The following KSR2 variants were observed in gnomAD, a reference collection of about 807,000 sequenced individuals.
KSR2 encodes kinase suppressor of ras 2.
A neutral mutation model predicts 107.8 loss-of-function variants in KSR2; 25 were observed. That is an observed-to-expected ratio of 0.23 (90% CI 0.17 to 0.32). The LOEUF (loss-of-function observed/expected upper bound fraction) is 0.32, where lower values mean the gene tolerates loss of function less well. Ranked by LOEUF, KSR2 falls within the 10% of genes least tolerant of loss-of-function variation. The probability of loss-of-function intolerance (pLI) is 1.00; values close to 1 mark genes in which losing one functional copy is unlikely to be tolerated. For missense variants in KSR2, 887 were observed against 1,268.9 expected, an observed-to-expected ratio of 0.70 and a Z score of 4.57; for synonymous variants, 480 against 507.0, an observed-to-expected ratio of 0.95 and a Z score of 0.71.
intron 5 of KSR2, among the ~76,000 whole-genome samples, chr12:117,645,897 G>A (rs189391872): frequency 0.01 from 1,537 of 151,240 alleles, 16 homozygotes; most frequent in Admixed American, 0.016. Flanking sequence ...GTGTGTGTGT[G>A]TGTGTGTGTG....
chr12:117,467,474 C>G (rs1871207257), intron 19 of KSR2, among the ~76,000 whole-genome samples: 1 of 152,258 alleles, frequency 6.6e-6, no homozygotes, highest in African/African-American at 2.4e-5. Flanking sequence ...AGACGAACTT[C>G]TACGACAGAA....
At chr12:117,646,711 T>C (rs1236930258) in intron 5 of KSR2, among the ~76,000 whole-genome samples, 1 of 152,078 alleles carries the variant, frequency 6.6e-6, no homozygotes, top group Non-Finnish European at 1.5e-5. Flanking sequence ...ACAGAGCTCC[T>C]CCTCTGCCAT....
intron 18 of KSR2, among the ~76,000 whole-genome samples, chr12:117,470,948 C>G (rs1223441340): frequency 6.6e-6 from 1 of 152,312 alleles, no homozygotes; most frequent in South Asian, 2.1e-4. Context: ...CAGCAACCCA[C>G]AGTTAGGAAA....
intron 16 of KSR2, among the ~76,000 whole-genome samples, chr12:117,479,708 T>C (rs1459585376): frequency 6.6e-6 from 1 of 152,240 alleles, no homozygotes; most frequent in Non-Finnish European, 1.5e-5. Flanking sequence ...GACTTGCTCC[T>C]GCATTCTACA....
At chr12:117,865,592 A>T (rs990749033) in intron 1 of KSR2, among the ~76,000 whole-genome samples, 2 of 152,194 alleles carry the variant, frequency 1.3e-5, no homozygotes, top group African/African-American at 4.8e-5. Context: ...CCTGGGCTCA[A>T]CTAATCCATT....
At chr12:117,962,060 G>A (rs1311962686) in intron 1 of KSR2, among the ~76,000 whole-genome samples, 3 of 150,462 alleles carry the variant, frequency 2.0e-5, no homozygotes, top group South Asian at 2.1e-4. Context: ...CAGGAGGATC[G>A]CTTGAGCCCA....
At chr12:117,770,116 G>A (rs559215574) in intron 3 of KSR2, among the ~76,000 whole-genome samples, 1 of 151,978 alleles carries the variant, frequency 6.6e-6, no homozygotes, top group East Asian at 1.9e-4. Context: ...AACTCTGACA[G>A]AAAGAAAGCT....
At chr12:117,767,562 G>A (rs1889284422) in intron 3 of KSR2, among the ~76,000 whole-genome samples, 1 of 152,008 alleles carries the variant, frequency 6.6e-6, no homozygotes, top group African/African-American at 2.4e-5. Flanking sequence ...CACTTCGGAA[G>A]GCCAAGGTGG....
chr12:117,623,230 G>A (rs529157303), intron 5 of KSR2, among the ~76,000 whole-genome samples: 1 of 152,114 alleles, frequency 6.6e-6, no homozygotes, highest in Non-Finnish European at 1.5e-5. Flanking sequence ...TTATGCCTTT[G>A]GGTTTTTTTT....
At chr12:117,799,853 A>C (rs1475205986) in intron 3 of KSR2, among the ~76,000 whole-genome samples, 1 of 152,218 alleles carries the variant, frequency 6.6e-6, no homozygotes, top group Non-Finnish European at 1.5e-5. Context: ...GGCACCTAAA[A>C]GGCACCAAAA....
intron 5 of KSR2, among the ~76,000 whole-genome samples, chr12:117,667,125 G>A (rs946346000): frequency 9.2e-5 from 14 of 152,164 alleles, no homozygotes; most frequent in African/African-American, 3.4e-4. Flanking sequence ...AGAGACAGCC[G>A]GGAAGAGGGA....
At chr12:117,939,827 G>A (rs1895954095) in intron 1 of KSR2, among the ~76,000 whole-genome samples, 1 of 147,842 alleles carries the variant, frequency 6.8e-6, no homozygotes, top group African/African-American at 2.5e-5. Flanking sequence ...TATAACCCAA[G>A]CTACTCAGGA....
Position 117,667,614 on chromosome 12 carries a change from C to T in KSR2, c.1031G>A (p.Ser344Asn). 6.2e-7 allele frequency: 1 copy of T among 1,611,204 alleles called. No individual in the cohort carries two copies. Among genetic ancestry groups the T allele is most frequent in the Non-Finnish European group, 8.5e-7 (1 of 1,178,722 alleles). Residue 344 changes from serine to asparagine, a missense_variant, in exon 5 of 20, where the codon AGC (serine) becomes AAC (asparagine). Ser to Asn is a conservative substitution (Grantham distance 46). Around this residue, in one of 8 missense-constraint regions of KSR2, gnomAD observed 399 missense variants for 479.5 expected, o/e 0.83. Transcript: ENST00000339824. Reference protein sequence around the residue: ...SKPLNLKIHSSVGSCENIPSQ... With the variant: ...SKPLNLKIHSNVGSCENIPSQ... ...GGGGATGTTCTCGCAGCTGCCTACG[C>T]TGCTGTGGATCTTGAGGTTCAAGGG...
intron 3 of KSR2, among the ~76,000 whole-genome samples, chr12:117,831,103 A>AT (rs1179906858): frequency 2.0e-5 from 3 of 152,154 alleles, no homozygotes; most frequent in African/African-American, 7.2e-5. Context: ...CGCTGATATT[A>AT]TTATCAATAT....
At chr12:117,803,122 C>T (rs192569296) in intron 3 of KSR2, among the ~76,000 whole-genome samples, 5 of 152,124 alleles carry the variant, frequency 3.3e-5, no homozygotes, top group Admixed American at 6.5e-5. Context: ...CAGGGATTGC[C>T]GAAACAATGT....
intron 14 of KSR2, among the ~76,000 whole-genome samples, chr12:117,494,963 C>A (rs1471268992): frequency 1.3e-5 from 2 of 152,228 alleles, no homozygotes; most frequent in African/African-American, 4.8e-5. Context: ...CGGCAAAGGC[C>A]ATCTGGCTGG....
intron 16 of KSR2, among the ~76,000 whole-genome samples, chr12:117,476,831 C>A (rs1871814271): frequency 6.6e-6 from 1 of 152,194 alleles, no homozygotes; most frequent in African/African-American, 2.4e-5. Context: ...GAGGCACCCA[C>A]CTTCTTGCCC....
At chr12:117,554,256 A>G (rs1216052449) in intron 9 of KSR2, among the ~76,000 whole-genome samples, 3 of 152,162 alleles carry the variant, frequency 2.0e-5, no homozygotes, top group East Asian at 1.9e-4. Context: ...CTAGGCCACA[A>G]TTGAAAGAAA....
intron 9 of KSR2, among the ~76,000 whole-genome samples, chr12:117,550,674 A>G (rs1877234044): frequency 6.6e-6 from 1 of 152,240 alleles, no homozygotes; most frequent in Non-Finnish European, 1.5e-5. Flanking sequence ...AAGAAGCCAA[A>G]GGTCATAAGG....
Sources: allele counts gnomAD v4.1 joint callset (sites outside exome capture counted in the v4.1 genomes callset), GRCh38; gene constraint gnomAD v4.1.1; regional missense constraint gnomAD v4.1.1; transcripts MANE v1.5; gene names NCBI Gene and HGNC (gene_info 2026-07-23, HGNC 2026-07-21).